The following ARHGEF28 variants were observed in gnomAD, a reference collection of about 807,000 sequenced individuals.
ARHGEF28 encodes the protein Rho guanine nucleotide exchange factor 28.
A neutral mutation model predicts 206.6 loss-of-function variants in ARHGEF28; 152 were observed. The observed-to-expected ratio is 0.74, with a 90% CI of 0.64 to 0.84. The LOEUF (loss-of-function observed/expected upper bound fraction) is 0.84, where lower values mean the gene tolerates loss of function less well. Ranked by LOEUF, ARHGEF28 falls within the 40% of genes least tolerant of loss-of-function variation. The probability of loss-of-function intolerance (pLI) is 0.00; values close to 1 mark genes in which losing one functional copy is unlikely to be tolerated. For missense variants in ARHGEF28, 2,028 were observed against 2,073.2 expected (o/e 0.98, Z 0.42); for synonymous variants, 763 against 776.4 (o/e 0.98, Z 0.29).
At chr5:73,708,647 T>C (rs1275783393) in intron 2 of ARHGEF28, among the ~76,000 whole-genome samples, 1 of 152,232 alleles carries the variant, frequency 6.6e-6, no homozygotes, top group Non-Finnish European at 1.5e-5. Context: ...CTTTGCTTTG[T>C]GAATAGTGCT....
intron 35 of ARHGEF28, 59 bp downstream of exon 35, chr5:73,911,634 G>T: frequency 6.7e-6 from 10 of 1,485,404 alleles, no homozygotes; most frequent in Non-Finnish European, 8.2e-6. Context: ...CCCTCTGAAT[G>T]GTTGGCTCTT....
chr5:73,650,277 CTTTTTTT>C (rs138217794), intron 1 of ARHGEF28, among the ~76,000 whole-genome samples: 22 of 94,030 alleles, frequency 2.3e-4, no homozygotes, highest in South Asian at 3.7e-4. Flanking sequence ...TTCTTTCTTT[CTTTTTTT>C]TTTTTTTTTT....
intron 7 of ARHGEF28, among the ~76,000 whole-genome samples, chr5:73,786,042 T>C (rs1473191314): frequency 1.1e-4 from 16 of 148,014 alleles, no homozygotes; most frequent in Admixed American, 1.1e-3. Flanking sequence ...CCAGCCACTG[T>C]TCTTGGCAGT....
intron 35 of ARHGEF28, among the ~76,000 whole-genome samples, chr5:73,928,041 T>A (rs1480012910): frequency 6.6e-6 from 1 of 152,266 alleles, no homozygotes; most frequent in East Asian, 1.9e-4. Flanking sequence ...AAAAGTTTTA[T>A]GTTTTCCTGA....
intron 7 of ARHGEF28, among the ~76,000 whole-genome samples, chr5:73,782,416 T>TG (rs1249415788): frequency 6.6e-6 from 1 of 152,004 alleles, no homozygotes; most frequent in Non-Finnish European, 1.5e-5. Context: ...CCAGCCTGGG[T>TG]GACACAGTGA....
intron 2 of ARHGEF28, among the ~76,000 whole-genome samples, chr5:73,730,260 A>G (rs1030484970): frequency 5.9e-5 from 9 of 152,144 alleles, no homozygotes; most frequent in South Asian, 2.1e-4. Flanking sequence ...GATATGTTGT[A>G]TATATCTGTG....
chr5:73,790,192 G>T (rs185336827), intron 7 of ARHGEF28, among the ~76,000 whole-genome samples: 360 of 151,408 alleles, frequency 2.4e-3, no homozygotes, highest in African/African-American at 8.2e-3. Flanking sequence ...TTCTATTAGT[G>T]ATAGAAGCCT....
rs182498367 is a variant in ARHGEF28 at position 73,835,908 on chromosome 5, C to T, written c.1146+3449C>T. 2.4e-4 allele frequency among the ~76,000 whole-genome samples: 36 copies of T among 152,240 alleles called. No homozygotes were observed. The East Asian group carries it at 6.4e-3, about 27-fold the overall frequency. On this transcript the variant is annotated intron_variant, in intron 10 of 35. Coordinates refer to ENST00000513042, the MANE Select transcript of ARHGEF28 (RefSeq NM_001177693.2). ...AATTCAGTGGTGGATTGCTTCCTTG[C>T]TGCATGTCGGGGGAAAACCCCACAC...
At chr5:73,936,764 C>T (rs1175199747) in intron 35 of ARHGEF28, among the ~76,000 whole-genome samples, 1 of 152,158 alleles carries the variant, frequency 6.6e-6, no homozygotes, top group Non-Finnish European at 1.5e-5. Flanking sequence ...GACAGGGTCT[C>T]ACTATGTTGC....
intron 4 of ARHGEF28, among the ~76,000 whole-genome samples, chr5:73,772,795 C>G (rs529028868): frequency 6.6e-6 from 1 of 152,320 alleles, no homozygotes; most frequent in African/African-American, 2.4e-5. Flanking sequence ...AGGGTTCAAA[C>G]TGCCTTTTAT....
intron 2 of ARHGEF28, among the ~76,000 whole-genome samples, chr5:73,702,442 A>G (rs1748659158): frequency 6.6e-6 from 1 of 152,156 alleles, no homozygotes; most frequent in Non-Finnish European, 1.5e-5. Context: ...TCCTTTTACC[A>G]AAGCCCCCGG....
intron 35 of ARHGEF28, among the ~76,000 whole-genome samples, chr5:73,916,104 T>C (rs1347334322): frequency 6.6e-6 from 1 of 152,198 alleles, no homozygotes; most frequent in African/African-American, 2.4e-5. Context: ...TTTGACAAGT[T>C]TTTTATGTAA....
In ARHGEF28 at chr5:73,857,675, G is replaced by GATAA. The variant is rs1157389943; in HGVS notation, c.1814_1817dup (p.Tyr606Ter). 1 of 1,587,006 alleles carries GATAA rather than the reference G, an allele frequency of 6.3e-7. No individual in the cohort carries two copies. Among genetic ancestry groups the GATAA allele is most frequent in the African/African-American group, 1.3e-5 (1 of 74,172 alleles). On this transcript the variant is annotated frameshift_variant, in exon 15 of 36. Transcript: ENST00000513042. LOFTEE classifies it high-confidence loss of function. ...TTGTAGAATTCAGGAAGAAGAATGG[G>GATAA]ATAAATACATCATACCTGCCAAATC...
At chr5:73,731,142 G>T (rs1276072339) in intron 2 of ARHGEF28, among the ~76,000 whole-genome samples, 1 of 152,116 alleles carries the variant, frequency 6.6e-6, no homozygotes, top group Non-Finnish European at 1.5e-5. Flanking sequence ...ATGGGAATGC[G>T]TTAGTTTCTG....
intron 1 of ARHGEF28, among the ~76,000 whole-genome samples, chr5:73,647,401 T>A (rs1215413437): frequency 2.0e-5 from 3 of 152,210 alleles, no homozygotes; most frequent in Admixed American, 6.5e-5. Flanking sequence ...TAAGGAATAC[T>A]CAATCTGTGT....
chr5:73,877,128 C>G (rs1489201131), intron 22 of ARHGEF28, among the ~76,000 whole-genome samples: 1 of 136,704 alleles, frequency 7.3e-6, no homozygotes, highest in Non-Finnish European at 1.6e-5. Context: ...AGAGATTCAA[C>G]TTCTTCCTGG....
chr5:73,767,850 C>A (rs1752988354), intron 4 of ARHGEF28, among the ~76,000 whole-genome samples: 1 of 152,156 alleles, frequency 6.6e-6, no homozygotes, highest in South Asian at 2.1e-4. Context: ...TTCATGGGAG[C>A]CCCTCCCATT....
At chr5:73,769,374 T>G (rs185605839) in intron 4 of ARHGEF28, among the ~76,000 whole-genome samples, 40 of 152,332 alleles carry the variant, frequency 2.6e-4, no homozygotes, top group Middle Eastern at 3.4e-3. Flanking sequence ...TTCCTTGCTT[T>G]TCTTTACAGT....
chr5:73,673,020 C>A (rs1746443343), intron 1 of ARHGEF28, among the ~76,000 whole-genome samples: 1 of 152,198 alleles, frequency 6.6e-6, no homozygotes, highest in East Asian at 1.9e-4. Context: ...TCAGACATCT[C>A]CCCACTGAGT....
Sources: allele counts gnomAD v4.1 joint callset (sites outside exome capture counted in the v4.1 genomes callset), GRCh38; gene constraint gnomAD v4.1.1; transcripts MANE v1.5; gene names NCBI Gene and HGNC (gene_info 2026-07-23, HGNC 2026-07-21).